DPYSL3: variants seen among roughly 807,000 people sequenced by gnomAD.
DPYSL3 encodes the protein dihydropyrimidinase-related protein 3.
A neutral mutation model predicts 66.1 loss-of-function variants in DPYSL3; 16 were observed. That is an observed-to-expected ratio of 0.24 (90% CI 0.16 to 0.37). DPYSL3 has a LOEUF of 0.37. DPYSL3 is among the 10% of genes least tolerant of loss of function. DPYSL3 has a pLI of 1.00. For missense variants in DPYSL3, 738 were observed against 916.2 expected (o/e 0.81, Z 2.51); for synonymous variants, 338 against 345.1 (o/e 0.98, Z 0.23).
In DPYSL3 at chr5:147,395,696, C is replaced by T; in HGVS notation, c.1829G>A (p.Arg610Lys). The T allele has an allele frequency of 1.2e-6, 2 of 1,614,026 alleles. No homozygotes were observed. Among genetic ancestry groups the T allele is most frequent in the Non-Finnish European group, 1.7e-6 (2 of 1,180,020 alleles). Residue 610 changes from arginine (R) to lysine (K), a missense_variant, in exon 13 of 14, where the codon AGG becomes AAG. Coordinates refer to ENST00000343218, the MANE Select transcript of DPYSL3 (RefSeq NM_001197294.2). ...AAACACAGGCCCATCGTACATGCCC[C>T]TTGGGACGGCATGCAGGTCTGCCAT... ...RKMADLHAVP[R>K]GMYDGPVFDL...
At chr5:147,441,733 A>C (rs1752536215) in intron 1 of DPYSL3, among the ~76,000 whole-genome samples, 1 of 152,188 alleles carries the variant, frequency 6.6e-6, no homozygotes. Flanking sequence ...CATTTTCTCA[A>C]TCATTCAAAT....
chr5:147,409,012 T>G (rs1039307850), intron 6 of DPYSL3, among the ~76,000 whole-genome samples: 1 of 152,322 alleles, frequency 6.6e-6, no homozygotes, highest in Non-Finnish European at 1.5e-5. Context: ...AGAAGAAAGA[T>G]AGTTGTCTGT....
chr5:147,493,580 A>G (rs968793680), intron 1 of DPYSL3, among the ~76,000 whole-genome samples: 3 of 151,908 alleles, frequency 2.0e-5, no homozygotes, highest in African/African-American at 7.3e-5. Flanking sequence ...TCTAAAAAAA[A>G]AGAAAGAAAG....
chr5:147,413,139 G>A lies in DPYSL3; in HGVS notation c.883-451C>T, dbSNP rs533244434. Among the ~76,000 whole-genome samples, 3 of 152,282 alleles carry A rather than the reference G, an allele frequency of 2.0e-5. No homozygotes were observed. In the East Asian group the frequency reaches 5.8e-4, roughly 29 times the overall value. On this transcript the variant is annotated intron_variant, in intron 5 of 13. Transcript: ENST00000343218. The stretch of plus-strand genomic sequence containing the variant: ...CTTCACCTCTAAGCAGGAGGCATGG[G>A]AATTCATTTCTTGTATTTCCTCTGA...
At chr5:147,464,491 C>G (rs1209236926) in intron 1 of DPYSL3, among the ~76,000 whole-genome samples, 1 of 152,078 alleles carries the variant, frequency 6.6e-6, no homozygotes, top group Non-Finnish European at 1.5e-5. Flanking sequence ...TGTAAACAAG[C>G]AAGGAGAGTC....
intron 1 of DPYSL3, among the ~76,000 whole-genome samples, chr5:147,493,633 C>T (rs1187475775): frequency 4.6e-5 from 7 of 151,806 alleles, no homozygotes; most frequent in African/African-American, 1.7e-4. Flanking sequence ...ATGGACAGAT[C>T]CAGCAGACAG....
intron 1 of DPYSL3, among the ~76,000 whole-genome samples, chr5:147,479,970 A>C (rs1419717902): frequency 6.6e-6 from 1 of 152,214 alleles, no homozygotes; most frequent in Non-Finnish European, 1.5e-5. Flanking sequence ...ACCAAGGCAC[A>C]GCAATTATTC....
Position 147,397,733 on chromosome 5 carries a change from G to T in DPYSL3, c.1736C>A (p.Ala579Asp). 1.2e-6 allele frequency: 2 copies of T among 1,614,146 alleles called. No homozygotes were observed. Among genetic ancestry groups the T allele is most frequent in the East Asian group, 4.5e-5 (2 of 44,860 alleles). The change falls in exon 12 of 14, where the codon GCT (alanine) becomes GAT (aspartate). Residue 579 changes from alanine (A) to aspartate (D), a missense_variant. Transcript: ENST00000343218. ...EDGNLHVTQG[A>D]GRFIPCSPFS... ...CGGGCTGCAGGGTATGAAGCGGCCA[G>T]CCCCCTGGGTCACGTGCAGGTTGCC... is the stretch of plus-strand genomic sequence containing the variant.
chr5:147,405,088 G>T (rs1413625831), intron 8 of DPYSL3, among the ~76,000 whole-genome samples: 3 of 152,136 alleles, frequency 2.0e-5, no homozygotes, highest in Admixed American at 6.6e-5. Flanking sequence ...CATCTATTCT[G>T]TAACTGTTCA....
chr5:147,391,249 G>A lies in DPYSL3; in HGVS notation c.*2786C>T, dbSNP rs149557051. The A allele has an allele frequency of 1.0e-4, 16 of 152,730 alleles. No individual in the cohort carries two copies. Among genetic ancestry groups the A allele is most frequent in the East Asian group, 3.9e-4 (2 of 5,186 alleles). The allele number at this position is 152,730 out of a possible 1,614,324, so 9.5% of individuals were successfully genotyped here. A position where few individuals can be genotyped will look rare whatever the true frequency, so the allele number is the denominator to read the frequency against. ...CATGACACTCTCAGTATAGACAGTC[G>A]TGAAGAACAAGGCTGAGGGATTTTG... On this transcript the variant is annotated 3_prime_UTR_variant, in exon 14 of 14. Coordinates refer to ENST00000343218, the MANE Select transcript of DPYSL3 (RefSeq NM_001197294.2).
At position 147,509,615 on chromosome 5, in the gene DPYSL3, C is replaced by G. The variant is rs894089999; in HGVS notation, c.244G>C (p.Glu82Gln). The G allele has an allele frequency of 2.6e-6, 4 of 1,535,586 alleles. No individual in the cohort carries two copies. Among genetic ancestry groups the G allele is most frequent in the South Asian group, 1.2e-5 (1 of 84,006 alleles). The change falls in exon 1 of 14, where the codon GAG becomes CAG. Residue 82 changes from glutamate (E) to glutamine (Q), a missense_variant. Coordinates refer to ENST00000343218, the MANE Select transcript of DPYSL3 (RefSeq NM_001197294.2). The surrounding 1 kb of genome is among the most constrained non-coding windows in gnomAD (Gnocchi z 5.3). ...DRGSGSRPGI[E>Q]GDTPRRGQGR... ...TGGCCCCTGCGCGGGGTGTCCCCCT[C>G]GATCCCGGGCCGACTCCCCGATCCT... is the stretch of plus-strand genomic sequence containing the variant.
At chr5:147,497,708 A>G (rs745734877) in intron 1 of DPYSL3, among the ~76,000 whole-genome samples, 10 of 48,672 alleles carry the variant, frequency 2.1e-4, no homozygotes, top group Non-Finnish European at 3.2e-4. Flanking sequence ...CATTCATGAT[A>G]AAAAAAAAAA....
chr5:147,431,166 GT>G (rs1415452733), intron 1 of DPYSL3, among the ~76,000 whole-genome samples: 1 of 152,138 alleles, frequency 6.6e-6, no homozygotes, highest in Admixed American at 6.5e-5. Context: ...ATGAAATCTT[GT>G]TTTTCTTCCC....
Position 147,497,351 on chromosome 5 carries a change from G to A in DPYSL3, c.381+12127C>T, listed in dbSNP as rs566004193. ...ACCAGCATGGCACATGTATACATAT[G>A]TAATAAACCTGCACGTCATGCACAC... On this transcript the variant is annotated intron_variant, in intron 1 of 13. Transcript: ENST00000343218. Among the ~76,000 whole-genome samples the A allele has an allele frequency of 1.2e-3, 176 of 151,966 alleles. 2 individuals are homozygous for A. Among genetic ancestry groups the A allele is most frequent in the African/African-American group, 3.4e-3 (141 of 41,424 alleles).
intron 11 of DPYSL3, 120 bp from the exon 12 acceptor site, chr5:147,397,965 C>G (rs1237741566): frequency 6.8e-6 from 7 of 1,023,074 alleles, no homozygotes; most frequent in Non-Finnish European, 1.4e-6. Flanking sequence ...AGGAAAAGCT[C>G]ACCATGCATC....
At chr5:147,483,452 T>G (rs1753281116) in intron 1 of DPYSL3, among the ~76,000 whole-genome samples, 1 of 152,220 alleles carries the variant, frequency 6.6e-6, no homozygotes, top group South Asian at 2.1e-4. Context: ...TTGACGTCCA[T>G]TCATTCACTA....
intron 1 of DPYSL3, among the ~76,000 whole-genome samples, chr5:147,437,752 GT>G (rs1216930024): frequency 6.6e-6 from 1 of 152,240 alleles, no homozygotes; most frequent in African/African-American, 2.4e-5. Flanking sequence ...TGATGAATCA[GT>G]GCCAGTTAGC....
intron 2 of DPYSL3, among the ~76,000 whole-genome samples, chr5:147,420,013 T>C (rs1752047961): frequency 6.6e-6 from 1 of 152,112 alleles, no homozygotes; most frequent in Non-Finnish European, 1.5e-5. Context: ...AAGCCTGAAA[T>C]AGAAATGGCT....
intron 1 of DPYSL3, among the ~76,000 whole-genome samples, chr5:147,466,143 A>C (rs1753005143): frequency 6.6e-6 from 1 of 152,192 alleles, no homozygotes. Flanking sequence ...GCTAGAGTAA[A>C]ATATTGGCTG....
Sources: allele counts gnomAD v4.1 joint callset (sites outside exome capture counted in the v4.1 genomes callset), GRCh38; gene constraint gnomAD v4.1.1; non-coding constraint Gnocchi (gnomAD v3.1); transcripts MANE v1.5; gene names NCBI Gene and HGNC (gene_info 2026-07-23, HGNC 2026-07-21).